FARS2: variants seen among roughly 807,000 people sequenced by gnomAD.
FARS2 encodes the protein phenylalanine--tRNA ligase, mitochondrial.
A neutral mutation model predicts 46.4 loss-of-function variants in FARS2; 40 were observed. The ratio of observed to expected loss-of-function variants is 0.86; its 90% CI spans 0.67 to 1.12. The LOEUF is 1.12. FARS2 is among the 50% of genes most tolerant of loss of function. The probability of loss-of-function intolerance (pLI) is 0.00; values close to 1 mark genes in which losing one functional copy is unlikely to be tolerated. For synonymous variants in FARS2, 234 were observed against 214.9 expected (o/e 1.09, Z -0.78); for missense variants, 513 against 567.9 (o/e 0.90, Z 0.98).
intron 1 of FARS2, among the ~76,000 whole-genome samples, chr6:5,302,207 G>A (rs558649311): frequency 1.3e-5 from 2 of 152,190 alleles, no homozygotes; most frequent in Non-Finnish European, 2.9e-5. Flanking sequence ...CTGTGTTGTT[G>A]TGTTGTTTAA....
intron 1 of FARS2, among the ~76,000 whole-genome samples, chr6:5,357,203 A>G (rs1000303117): frequency 1.3e-5 from 2 of 152,222 alleles, no homozygotes; most frequent in African/African-American, 2.4e-5. Flanking sequence ...CACTAGATCC[A>G]TTATGGGGAG....
rs567965919 is a variant in FARS2 at position 5,683,224 on chromosome 6, G to A, written c.1217+69904G>A. ...TCTGGGTGGCCTGGACTGGGAGGGC[G>A]GGCACAGGAATGGAGAGAGTCAGGG... On this transcript the variant is annotated intron_variant, in intron 6 of 6. Transcript: ENST00000274680. Among the ~76,000 whole-genome samples the A allele has an allele frequency of 5.9e-5, 9 of 152,288 alleles. No homozygotes were observed. In the East Asian group the frequency reaches 1.3e-3, roughly 23 times the overall value.
intron 1 of FARS2, among the ~76,000 whole-genome samples, chr6:5,339,167 C>T (rs892185502): frequency 1.3e-5 from 2 of 152,202 alleles, no homozygotes; most frequent in South Asian, 4.1e-4. Flanking sequence ...CTATACTACT[C>T]TGTCAGTATT....
intron 5 of FARS2, among the ~76,000 whole-genome samples, chr6:5,602,436 C>T (rs533623996): frequency 6.4e-4 from 97 of 152,068 alleles, no homozygotes; most frequent in African/African-American, 2.2e-3. Flanking sequence ...ATCACGAGGA[C>T]AAGAGATTGA....
intron 6 of FARS2, among the ~76,000 whole-genome samples, chr6:5,645,409 T>C (rs896383950): frequency 9.9e-5 from 15 of 152,168 alleles, no homozygotes; most frequent in African/African-American, 3.4e-4. Flanking sequence ...TGGAAGACAG[T>C]GTAAAGAGAT....
intron 4 of FARS2, among the ~76,000 whole-genome samples, chr6:5,487,313 T>A (rs1193476129): frequency 2.0e-5 from 3 of 152,116 alleles, no homozygotes; most frequent in Non-Finnish European, 4.4e-5. Context: ...ACCCCATGAC[T>A]GTACATCCTG....
chr6:5,344,001 G>A (rs1467631887), intron 1 of FARS2, among the ~76,000 whole-genome samples: 3 of 152,234 alleles, frequency 2.0e-5, no homozygotes, highest in Non-Finnish European at 4.4e-5. Context: ...CGGCGTGACA[G>A]CTGTGCCTTC....
At chr6:5,644,229 C>CT (rs1332662947) in intron 6 of FARS2, among the ~76,000 whole-genome samples, 27 of 150,226 alleles carry the variant, frequency 1.8e-4, no homozygotes, top group African/African-American at 5.4e-4. Flanking sequence ...CTTTTTTTTT[C>CT]TTTTTTTGAG....
chr6:5,681,721 A>C (rs1362212350), intron 6 of FARS2, among the ~76,000 whole-genome samples: 2 of 152,234 alleles, frequency 1.3e-5, no homozygotes, highest in Non-Finnish European at 1.5e-5. Context: ...GATCGAAGAA[A>C]TAAAACAGGC....
At chr6:5,729,752 A>G (rs879872093) in intron 6 of FARS2, among the ~76,000 whole-genome samples, 1 of 151,880 alleles carries the variant, frequency 6.6e-6, no homozygotes, top group Non-Finnish European at 1.5e-5. Context: ...TGTTTTTTGT[A>G]TGTTTGCTTT....
chr6:5,566,773 C>G (rs1489077783), intron 5 of FARS2, among the ~76,000 whole-genome samples: 1 of 152,232 alleles, frequency 6.6e-6, no homozygotes, highest in Admixed American at 6.5e-5. Context: ...TGTTACTTGA[C>G]TTTAGCCACA....
At chr6:5,650,519 A>G (rs946172828) in intron 6 of FARS2, among the ~76,000 whole-genome samples, 3 of 152,104 alleles carry the variant, frequency 2.0e-5, no homozygotes, top group African/African-American at 7.2e-5. Context: ...ATTTTGTAGT[A>G]ACTTTGTCTG....
the FARS2 span, among the ~76,000 whole-genome samples, chr6:5,253,876 T>C: frequency 6.6e-6 from 1 of 151,952 alleles, no homozygotes; most frequent in Non-Finnish European, 1.5e-5. Flanking sequence ...TGTCTTCTCT[T>C]ATTCCATGCA....
intron 3 of FARS2, among the ~76,000 whole-genome samples, chr6:5,430,154 T>TA (rs912472140): frequency 6.6e-6 from 1 of 151,900 alleles, no homozygotes; most frequent in African/African-American, 2.4e-5. Flanking sequence ...AAGTGTTGCC[T>TA]AAAAAAAGAA....
In FARS2 at chr6:5,267,803, G is replaced by C. The variant is rs558056597; in HGVS notation, c.-22+6143G>C. On this transcript the variant is annotated intron_variant, in intron 1 of 6. Coordinates refer to ENST00000274680, the MANE Select transcript of FARS2 (RefSeq NM_006567.5). Reference sequence around the variant, plus strand: ...ACTGTCTTCCACAATGGTTGAACTAGTTTACACTCCCACCAACAGTGTAAA... The same window carrying C: ...ACTGTCTTCCACAATGGTTGAACTACTTTACACTCCCACCAACAGTGTAAA... Among the ~76,000 whole-genome samples, 632 of 150,456 alleles carry C rather than the reference G, an allele frequency of 4.2e-3. 1 individual carries two copies. The highest frequency in any genetic ancestry group is 0.015 in the African/African-American group (596 of 40,954).
intron 5 of FARS2, among the ~76,000 whole-genome samples, chr6:5,586,181 C>A (rs1345515472): frequency 6.6e-6 from 1 of 152,056 alleles, no homozygotes; most frequent in Non-Finnish European, 1.5e-5. Flanking sequence ...ATTTATCTTC[C>A]TGCCATATTT....
intron 1 of FARS2, among the ~76,000 whole-genome samples, chr6:5,350,081 A>G (rs982795893): frequency 1.3e-5 from 2 of 149,612 alleles, no homozygotes; most frequent in African/African-American, 2.5e-5. Flanking sequence ...CCTTTTCTTT[A>G]CTATTCCCTT....
Position 5,288,454 on chromosome 6 carries a change from G to A in FARS2, c.-22+26794G>A, listed in dbSNP as rs368193689. Among the ~76,000 whole-genome samples the A allele has an allele frequency of 7.2e-5, 11 of 152,264 alleles. No homozygotes were observed. The South Asian group carries it at 1.5e-3, about 20-fold the overall frequency. ...TCATCACTTCTTTCTGGAGCACCTC[G>A]TTTGATACCTCATTGTGAAGTCCAG... On this transcript the variant is annotated intron_variant, in intron 1 of 6. Coordinates refer to ENST00000274680, the MANE Select transcript of FARS2 (RefSeq NM_006567.5).
At chr6:5,669,805 G>A (rs1003280741) in intron 6 of FARS2, among the ~76,000 whole-genome samples, 14 of 152,246 alleles carry the variant, frequency 9.2e-5, no homozygotes, top group Middle Eastern at 3.4e-3. Flanking sequence ...AGCCTTGTCC[G>A]GAGTTGGGCT....
Sources: allele counts gnomAD v4.1 joint callset (sites outside exome capture counted in the v4.1 genomes callset), GRCh38; gene constraint gnomAD v4.1.1; transcripts MANE v1.5; gene names NCBI Gene and HGNC (gene_info 2026-07-23, HGNC 2026-07-21).